ABHD5: variants seen among roughly 807,000 people sequenced by gnomAD.
ABHD5 encodes abhydrolase domain containing 5, lysophosphatidic acid acyltransferase, also known as 1-acylglycerol-3-phosphate O-acyltransferase ABHD5.
In ABHD5, 30 loss-of-function variants were observed where a neutral mutation model predicts 44.9. The observed-to-expected ratio is 0.67, with a 90% CI of 0.50 to 0.91. ABHD5 has a LOEUF of 0.91. Ranked by LOEUF, ABHD5 falls within the 40% of genes least tolerant of loss-of-function variation. ABHD5 has a pLI of 0.00. For missense variants in ABHD5, 399 were observed against 423.4 expected (o/e 0.94, Z 0.50); for synonymous variants, 167 against 147.0 (o/e 1.14, Z -0.99).
intron 1 of ABHD5, among the ~76,000 whole-genome samples, chr3:43,693,636 C>T (rs1395724752): frequency 6.6e-6 from 1 of 152,036 alleles, no homozygotes; most frequent in Non-Finnish European, 1.5e-5. Context: ...GTGTTTGTTA[C>T]TGTAATGATA....
At chr3:43,696,186 C>T (rs540185667) in intron 1 of ABHD5, among the ~76,000 whole-genome samples, 1 of 152,182 alleles carries the variant, frequency 6.6e-6, no homozygotes, top group Non-Finnish European at 1.5e-5. Flanking sequence ...ACAGTTGACA[C>T]TTTGGTCACT....
intron 6 of ABHD5, 55 bp downstream of exon 6, chr3:43,717,912 T>C: frequency 1.2e-6 from 2 of 1,608,556 alleles, no homozygotes; most frequent in Admixed American, 3.3e-5. Context: ...CGTTTTATTA[T>C]CTCCCTTAAA....
chr3:43,731,984 C>A (rs1370937297), intron 7 of ABHD5, among the ~76,000 whole-genome samples: 1 of 152,092 alleles, frequency 6.6e-6, no homozygotes, highest in East Asian at 1.9e-4. Flanking sequence ...AGAAAACTCA[C>A]CACCCATGAA....
rs573575974 is a variant in ABHD5, at chr3:43,706,126, G to T, written c.506+3539G>T. Among the ~76,000 whole-genome samples the T allele has an allele frequency of 5.3e-5, 8 of 152,312 alleles. No individual in the cohort carries two copies. The South Asian group carries it at 1.7e-3, about 32-fold the overall frequency. On this transcript the variant is annotated intron_variant, in intron 3 of 6. Transcript: ENST00000644371. ...GGGGTGGTTGTCAGGGTTGCCTTCT[G>T]TGTGATGTGGAATGTTTCACCTAAG...
At chr3:43,714,003 G>T (rs925277557) in intron 4 of ABHD5, among the ~76,000 whole-genome samples, 1 of 152,144 alleles carries the variant, frequency 6.6e-6, no homozygotes, top group South Asian at 2.1e-4. Context: ...GTAGCAGAAA[G>T]GGAGACCAGT....
intron 4 of ABHD5, among the ~76,000 whole-genome samples, chr3:43,713,413 G>A (rs1324356991): frequency 6.6e-6 from 1 of 152,066 alleles, no homozygotes; most frequent in Non-Finnish European, 1.5e-5. Context: ...GGGTGTGGAG[G>A]AGGTTGTGGG....
chr3:43,727,265 T>A (rs768233037), downstream of ABHD5, among the ~76,000 whole-genome samples: 24 of 152,232 alleles, frequency 1.6e-4, no homozygotes, highest in Non-Finnish European at 2.6e-4. Context: ...TCTTTGCTTG[T>A]GTTCATTCTC....
chr3:43,695,615 T>G (rs1302770110), intron 1 of ABHD5, among the ~76,000 whole-genome samples: 1 of 152,236 alleles, frequency 6.6e-6, no homozygotes, highest in East Asian at 1.9e-4. Flanking sequence ...TTTCACTGTT[T>G]CATAATGTTT....
At position 43,711,823 on chromosome 3, in the gene ABHD5, C is replaced by T. The variant is rs1575604722; in HGVS notation, c.621C>T (p.Pro207=). ...WIRALGAALT[P]FNPLAGLRIA... ...GAGCCTTGGGAGCAGCATTGACTCC[C>T]TTTAACCCTTTAGCTGGCCTAAGGA... Residue 207 remains proline (P), a synonymous_variant, in exon 4 of 7, where the codon CCC becomes CCT. Coordinates refer to ENST00000644371, the MANE Select transcript of ABHD5 (RefSeq NM_016006.6). The T allele has an allele frequency of 6.2e-7, 1 of 1,614,074 alleles. No individual in the cohort carries two copies. The highest frequency in any genetic ancestry group is 1.3e-5 in the African/African-American group (1 of 74,926).
intron 3 of ABHD5, among the ~76,000 whole-genome samples, chr3:43,706,593 A>G (rs1225321960): frequency 6.6e-6 from 1 of 151,862 alleles, no homozygotes; most frequent in African/African-American, 2.4e-5. Flanking sequence ...AGCTAGTACT[A>G]CAGGTGTGCC....
intron 3 of ABHD5, among the ~76,000 whole-genome samples, chr3:43,710,570 C>G (rs947427307): frequency 6.6e-6 from 1 of 152,160 alleles, no homozygotes; most frequent in African/African-American, 2.4e-5. Context: ...GCTCTGTGCA[C>G]CAAAGCTTTC....
At chr3:43,709,192 A>G (rs995400588) in intron 3 of ABHD5, among the ~76,000 whole-genome samples, 5 of 152,254 alleles carry the variant, frequency 3.3e-5, no homozygotes, top group African/African-American at 9.6e-5. Context: ...GCTAAGCCTC[A>G]TGCTAGGTTA....
chr3:43,730,256 G>A (rs566373937), intron 7 of ABHD5, among the ~76,000 whole-genome samples: 1 of 152,306 alleles, frequency 6.6e-6, no homozygotes, highest in South Asian at 2.1e-4. Context: ...TCTTGGTGTT[G>A]GCTGCCAACT....
At chr3:43,713,676 A>G (rs910845638) in intron 4 of ABHD5, among the ~76,000 whole-genome samples, 1 of 152,216 alleles carries the variant, frequency 6.6e-6, no homozygotes, top group Non-Finnish European at 1.5e-5. Context: ...CTGGTAAACT[A>G]CTTAAGAGCT....
rs866343127 is a variant in ABHD5 at position 43,706,245 on chromosome 3, G to A, written c.506+3658G>A. 4.6e-5 allele frequency among the ~76,000 whole-genome samples: 7 copies of A among 152,206 alleles called. 1 individual carries two copies. The South Asian group carries it at 1.2e-3, about 27-fold the overall frequency. ...CAAACAGGTACTGAACTACATACTC[G>A]TGCTCATCCAGCTTGCTTTTGATCC... On this transcript the variant is annotated intron_variant, in intron 3 of 6. Transcript: ENST00000644371.
In ABHD5 at chr3:43,721,673, A is replaced by C. The variant is rs1280630275; in HGVS notation, c.*3141A>C. The C allele has an allele frequency of 1.3e-5, 2 of 152,028 alleles. No homozygotes were observed. Among genetic ancestry groups the C allele is most frequent in the African/African-American group, 4.8e-5 (2 of 41,392 alleles). 9.4% of individuals were successfully genotyped at this position (152,028 alleles called of 1,614,324 possible). ...GTTTGAGGATGCAGTAAGCCACTGC[A>C]CTCCAGCCTGGGTGACAGAGAAGAA... On this transcript the variant is annotated 3_prime_UTR_variant, in exon 7 of 7. Coordinates refer to ENST00000644371, the MANE Select transcript of ABHD5 (RefSeq NM_016006.6).
rs749965827 is a variant in ABHD5, at chr3:43,702,363, T to A, written c.282T>A (p.Asn94Lys). 1 of 1,614,074 alleles carries A rather than the reference T, an allele frequency of 6.2e-7. No homozygotes were observed. Among genetic ancestry groups the A allele is most frequent in the Non-Finnish European group, 8.5e-7 (1 of 1,180,034 alleles). ...FGGGLGLWAL[N>K]FGDLCTNRPV... ...GAGGTCTTGGGCTCTGGGCACTGAA[T>A]TTTGGAGATCTTTGCACCAACAGAC... The change falls in exon 3 of 7, where the codon AAT (asparagine) becomes AAA (lysine). Residue 94 changes from asparagine (N) to lysine (K), a missense_variant. Coordinates refer to ENST00000644371, the MANE Select transcript of ABHD5 (RefSeq NM_016006.6).
intron 2 of ABHD5, among the ~76,000 whole-genome samples, chr3:43,701,324 C>T (rs1387260095): frequency 6.6e-6 from 1 of 152,146 alleles, no homozygotes; most frequent in Admixed American, 6.5e-5. Context: ...TTCTTTGCTG[C>T]CACTATGTGG....
At chr3:43,731,126 C>T (rs1414073742) in intron 7 of ABHD5, among the ~76,000 whole-genome samples, 1 of 152,084 alleles carries the variant, frequency 6.6e-6, no homozygotes, top group South Asian at 2.1e-4. Flanking sequence ...CTGCGCCCGG[C>T]CCTAATCCAT....
Sources: gnomAD v4.1 joint callset for allele counts (sites outside exome capture counted in the v4.1 genomes callset) on GRCh38, gnomAD v4.1.1 for gene constraint, MANE v1.5 for transcripts, NCBI Gene and HGNC (gene_info 2026-07-23, HGNC 2026-07-21) for gene names.